Variants in FKBP10 observed in about 807,000 individuals in gnomAD.
FKBP10 encodes the protein FKBP prolyl isomerase 10.
Under a neutral mutation model 53.7 loss-of-function variants are expected in FKBP10, and 34 were observed. That is an observed-to-expected ratio of 0.63 (90% CI 0.48 to 0.84). FKBP10 has a LOEUF of 0.84. Among genes scored for constraint, FKBP10 ranks in the 40% least tolerant of loss-of-function variants. The pLI is 0.00. For missense variants in FKBP10, 748 were observed against 797.8 expected (o/e 0.94, Z 0.75); for synonymous variants, 324 against 335.7 (o/e 0.97, Z 0.38).
chr17:41,818,515 G>A lies in FKBP10; in HGVS notation c.715G>A (p.Glu239Lys), dbSNP rs782261801. The A allele has an allele frequency of 8.1e-6, 13 of 1,614,014 alleles. No individual in the cohort carries two copies. The highest frequency in any genetic ancestry group is 3.3e-5 in the Admixed American group (2 of 59,990). Residue 239 changes from glutamate to lysine, a missense_variant, in exon 4 of 10, where the codon GAG becomes AAG. Glu to Lys is a moderately conservative substitution (Grantham distance 56, BLOSUM62 1). Transcript: ENST00000321562. The stretch of plus-strand genomic sequence containing the variant: ...CATCCCTCCATTCCTGGCCTATGGC[G>A]AGAAAGGCTATGGTGAGGGTGGGCA... Reference protein sequence around the residue: ...IIIPPFLAYGEKGYGTVIPPQ... With the variant: ...IIIPPFLAYGKKGYGTVIPPQ...
Position 41,821,666 on chromosome 17 carries a change from C to T in FKBP10, c.1412C>T (p.Pro471Leu). ...GCCCTCCCTCCAGCCCGGGGAGTCC[C>T]AGGCAGTGCTGTGCTGCTGTTTGAG... ...AHGESGARGV[P>L]GSAVLLFEVE... Residue 471 changes from proline to leucine, a missense_variant, in exon 9 of 10, where the codon CCA becomes CTA. Physicochemically the swap from Pro to Leu is moderately conservative, Grantham distance 98. Transcript: ENST00000321562. 1 of 1,613,978 alleles carries T rather than the reference C, an allele frequency of 6.2e-7. No homozygotes were observed. The highest frequency in any genetic ancestry group is 8.5e-7 in the Non-Finnish European group (1 of 1,179,990).
rs1234887465 is a variant in FKBP10, at chr17:41,820,618, G to A, written c.1256+157G>A. 8 of 791,090 alleles carry A rather than the reference G, an allele frequency of 1.0e-5. No individual in the cohort carries two copies. In the African/African-American group the frequency reaches 1.2e-4, roughly 12 times the overall value. 49.0% of individuals were successfully genotyped at this position (791,090 alleles called of 1,614,324 possible). On this transcript the variant is annotated intron_variant, in intron 7 of 9. Transcript: ENST00000321562. ...GCTTTCTGTAAGTCCCCATCTCGGA[G>A]CATGTCGAGGAGATGAAATTCTCTG...
At position 41,821,069 on chromosome 17, in the gene FKBP10, T is replaced by G. The variant is rs1165594038; in HGVS notation, c.1379T>G (p.Leu460Arg). The change falls in exon 8 of 10, where the codon CTG (leucine) becomes CGG (arginine). Residue 460 changes from leucine to arginine, a missense_variant. Leu to Arg is a moderately radical substitution (Grantham distance 102, BLOSUM62 -2). Coordinates refer to ENST00000321562, the MANE Select transcript of FKBP10 (RefSeq NM_021939.4). ...CGGCAGCTCATCGTGCCCCCGCACC[T>G]GGCCCACGGGGAGAGTGGAGGTGAG... is the stretch of plus-strand genomic sequence containing the variant. Reference protein sequence around the residue: ...ERRQLIVPPHLAHGESGARGV... With the variant: ...ERRQLIVPPHRAHGESGARGV... 1 of 1,503,708 alleles carries G rather than the reference T, an allele frequency of 6.7e-7. No homozygotes were observed. The highest frequency in any genetic ancestry group is 9.0e-7 in the Non-Finnish European group (1 of 1,115,452). 93.1% of individuals were successfully genotyped at this position (1,503,708 alleles called of 1,614,324 possible). A position where few individuals can be genotyped will look rare whatever the true frequency, so the allele number is the denominator to read the frequency against.
chr17:41,817,266 G>A, intron 2 of FKBP10, 63 bp downstream of exon 2: 1 of 1,596,666 alleles, frequency 6.3e-7, no homozygotes, highest in Non-Finnish European at 8.5e-7. Flanking sequence ...CAGGGATCCT[G>A]GGGTGAGAAA....
At position 41,819,534 on chromosome 17, in the gene FKBP10, T is replaced by C. The variant is rs1555616619; in HGVS notation, c.922T>C (p.Ser308Pro). The C allele has an allele frequency of 2.5e-6, 4 of 1,614,022 alleles. No individual in the cohort carries two copies. The highest frequency in any genetic ancestry group is 2.5e-6 in the Non-Finnish European group (3 of 1,179,984). Residue 308 changes from serine (S) to proline (P), a missense_variant, in exon 6 of 10, where the codon TCC becomes CCC. By Grantham distance (74) the Ser-to-Pro change is moderately conservative. Transcript: ENST00000321562. ...CCCTCCCGCCTTGTATTGCAGCTAC[T>C]CCCGCAACCACACCTACAATACCTA... ...MDGTLFDSSYSRNHTYNTYIG... is the reference protein window; with the variant it reads ...MDGTLFDSSYPRNHTYNTYIG...
intron 6 of FKBP10, chr17:41,819,897 G>A: frequency 1.3e-6 from 2 of 1,543,128 alleles, no homozygotes; most frequent in Non-Finnish European, 1.8e-6. Flanking sequence ...CAGTGGAGAA[G>A]GGCAGCCAAG....
At chr17:41,821,227 AT>A in intron 8 of FKBP10, 138 bp downstream of exon 8, 1 of 1,130,498 alleles carries the variant, frequency 8.8e-7, no homozygotes, top group Non-Finnish European at 1.2e-6. Flanking sequence ...GGTTCAAGTG[AT>A]TCTCCTGCCT....
At chr17:41,818,635 A>G in intron 4 of FKBP10, 108 bp downstream of exon 4, 1 of 1,441,548 alleles carries the variant, frequency 6.9e-7, no homozygotes, top group Non-Finnish European at 9.6e-7. Flanking sequence ...CCAACCAAGG[A>G]CTCAAGGTGG....
chr17:41,820,192 G>C, intron 6 of FKBP10, 77 bp from the exon 7 acceptor site: 1 of 1,502,162 alleles, frequency 6.7e-7, no homozygotes, highest in South Asian at 1.1e-5. Context: ...TATCAGGTCT[G>C]GGGACCTCCA....
chr17:41,819,195 C>G lies in FKBP10; in HGVS notation c.728-15C>G. 1 of 1,614,072 alleles carries G rather than the reference C, an allele frequency of 6.2e-7. No homozygotes were observed. The highest frequency in any genetic ancestry group is 8.5e-7 in the Non-Finnish European group (1 of 1,179,974). On this transcript the variant is annotated splice_polypyrimidine_tract_variant and intron_variant, in intron 4 of 9. Transcript: ENST00000321562. Reference sequence around the variant, plus strand: ...GCTCCCCAATTTTATGGTTCAAGCCCTATCCCTTCCCCAGGGACAGTGATC... The same window carrying G: ...GCTCCCCAATTTTATGGTTCAAGCCGTATCCCTTCCCCAGGGACAGTGATC...
In FKBP10 at chr17:41,819,667, A is replaced by G. The variant is rs376800114; in HGVS notation, c.1055A>G (p.Asn352Ser). 3 of 1,604,486 alleles carry G rather than the reference A, an allele frequency of 1.9e-6. No individual in the cohort carries two copies. The highest frequency in any genetic ancestry group is 2.6e-6 in the Non-Finnish European group (3 of 1,175,738). ...TIPPHLAYGE[N>S]GTGDKIPGSA... is the part of the protein sequence containing the mutation. ...CCCCCGCACCTCGCCTATGGGGAGA[A>G]TGGAACTGGTAGGGGCGTTCCCCAG... Residue 352 changes from asparagine to serine, a missense_variant, in exon 6 of 10, where the codon AAT becomes AGT. Coordinates refer to ENST00000321562, the MANE Select transcript of FKBP10 (RefSeq NM_021939.4).
intron 1 of FKBP10, among the ~76,000 whole-genome samples, chr17:41,815,334 A>G (rs1177902178): frequency 1.3e-5 from 2 of 150,616 alleles, no homozygotes; most frequent in African/African-American, 2.4e-5. Context: ...AATTTTTCAT[A>G]TTTTAGTAGA....
In FKBP10 at chr17:41,819,154, G is replaced by T. The variant is rs1342257388; in HGVS notation, c.728-56G>T. The T allele has an allele frequency of 2.5e-6, 4 of 1,593,172 alleles. No homozygotes were observed. The African/African-American group carries it at 5.4e-5, about 21-fold the overall frequency. On this transcript the variant is annotated intron_variant, in intron 4 of 9. Transcript: ENST00000321562. Reference sequence around the variant, plus strand: ...TGCCCACTGGGCCTTCCTGAGTCAAGAAGGAGCCTCGGCTTGCTCCCCAAT... The same window carrying T: ...TGCCCACTGGGCCTTCCTGAGTCAATAAGGAGCCTCGGCTTGCTCCCCAAT...
rs112668233 is a variant in FKBP10 at position 41,821,803 on chromosome 17, G to T, written c.1549G>T (p.Val517Phe). ...EDMDLNKDGE[V>F]PPEEFSTFIK... ...CATGGACCTCAACAAGGATGGCGAG[G>T]TCCCTCCGGAGGAGGTGGGTGAAGG... Residue 517 changes from valine to phenylalanine, a missense_variant, in exon 9 of 10, where the codon GTC becomes TTC. Physicochemically the swap from Val to Phe is conservative, Grantham distance 50. Coordinates refer to ENST00000321562, the MANE Select transcript of FKBP10 (RefSeq NM_021939.4). 54 of 1,614,040 alleles carry T rather than the reference G, an allele frequency of 3.3e-5. No homozygotes were observed. The highest frequency in any genetic ancestry group is 4.5e-5 in the Non-Finnish European group (53 of 1,180,032).
intron 8 of FKBP10, 136 bp downstream of exon 8, chr17:41,821,225 T>G: frequency 8.7e-7 from 1 of 1,146,634 alleles, no homozygotes; most frequent in Non-Finnish European, 1.2e-6. Context: ...CAGGTTCAAG[T>G]GATTCTCCTG....
At position 41,822,769 on chromosome 17, in the gene FKBP10, CTCTT is replaced by C. The variant is rs886052924; in HGVS notation, c.*367_*370del. 4.0e-5 allele frequency: 15 copies of C among 372,618 alleles called. No homozygotes were observed. The highest frequency in any genetic ancestry group is 8.9e-4 in the Middle Eastern group (1 of 1,126). The allele number at this position is 372,618 out of a possible 1,614,324, so 23.1% of individuals were successfully genotyped here. A position where few individuals can be genotyped will look rare whatever the true frequency, so the allele number is the denominator to read the frequency against. On this transcript the variant is annotated 3_prime_UTR_variant, in exon 10 of 10. Transcript: ENST00000321562. ...CTTGTTATCCATCTCCCCAAACTTTCTCTTTCTTTGTACTTCTTGTCATCCCCAC... is the reference window on the plus strand; with the variant it reads ...CTTGTTATCCATCTCCCCAAACTTTCTCTTTGTACTTCTTGTCATCCCCAC...
Position 41,818,388 on chromosome 17 carries a change from T to G in FKBP10, c.588T>G (p.Ser196Arg), listed in dbSNP as rs1555616421. ...LDGTSFDTSY[S>R]KGGTYDTYVG... ...TCCACCTCATTTTCTGCAGCTACAG[T>G]AAGGGCGGCACTTATGACACCTACG... The change falls in exon 4 of 10, where the codon AGT (serine) becomes AGG (arginine). Residue 196 changes from serine (S) to arginine (R), a missense_variant. Physicochemically the swap from Ser to Arg is moderately radical, Grantham distance 110. Coordinates refer to ENST00000321562, the MANE Select transcript of FKBP10 (RefSeq NM_021939.4). The G allele has an allele frequency of 1.9e-6, 3 of 1,614,144 alleles. No homozygotes were observed. The Admixed American group carries it at 5.0e-5, about 27-fold the overall frequency.
Position 41,814,022 on chromosome 17 carries a change from G to A in FKBP10, c.245+743G>A, listed in dbSNP as rs533062384. Among the ~76,000 whole-genome samples, 3 of 152,282 alleles carry A rather than the reference G, an allele frequency of 2.0e-5. No homozygotes were observed. The East Asian group carries it at 5.8e-4, about 29-fold the overall frequency. The stretch of plus-strand genomic sequence containing the variant: ...TGCCAGCCTTGGGGTTTGTAAGGTG[G>A]CCTCCTGGTCTGACCCAGGCCTTTG... On this transcript the variant is annotated intron_variant, in intron 1 of 9. Transcript: ENST00000321562.
intron 9 of FKBP10, among the ~76,000 whole-genome samples, 190 bp from the exon 10 acceptor site, chr17:41,822,033 C>T (rs1268442285): frequency 2.6e-5 from 4 of 152,084 alleles, no homozygotes; most frequent in African/African-American, 7.2e-5. Flanking sequence ...CCCCATGCCA[C>T]GCCTCCACCC....
Sources: allele counts gnomAD v4.1 joint callset (sites outside exome capture counted in the v4.1 genomes callset), GRCh38; gene constraint gnomAD v4.1.1; transcripts MANE v1.5; gene names NCBI Gene and HGNC (gene_info 2026-07-23, HGNC 2026-07-21).